The following ZFHX3 variants were observed in gnomAD, a reference collection of about 807,000 sequenced individuals.
ZFHX3 encodes zinc finger homeobox 3, also known as zinc finger homeobox protein 3.
A neutral mutation model predicts 279.1 loss-of-function variants in ZFHX3; 42 were observed. The ratio of observed to expected loss-of-function variants is 0.15; its 90% CI spans 0.12 to 0.19. ZFHX3 has a LOEUF of 0.19. Ranked by LOEUF, ZFHX3 falls within the 10% of genes least tolerant of loss-of-function variation. The probability of loss-of-function intolerance (pLI) is 1.00; values close to 1 mark genes in which losing one functional copy is unlikely to be tolerated. For synonymous variants in ZFHX3, 2,293 were observed against 1,957.8 expected (o/e 1.17, Z -4.52); for missense variants, 4,981 against 4,754.0 (o/e 1.05, Z -1.40).
Position 72,959,002 on chromosome 16 carries a change from C to T in ZFHX3, c.1144G>A (p.Gly382Ser), listed in dbSNP as rs754027540. 5 of 1,609,424 alleles carry T rather than the reference C, an allele frequency of 3.1e-6. No homozygotes were observed. Among genetic ancestry groups the T allele is most frequent in the Non-Finnish European group, 4.2e-6 (5 of 1,177,856 alleles). The change falls in exon 2 of 10, where the codon GGC becomes AGC. Residue 382 changes from glycine to serine, a missense_variant. Transcript: ENST00000268489. ...RMEGEEALPA[G>S]SAAGPEQPQA... ...GGCTGCTCGGGGCCAGCGGCGGAGC[C>T]CGCTGGGAGAGCTTCCTCCCCTTCC... is the stretch of plus-strand genomic sequence containing the variant.
At chr16:73,659,448 C>T (rs986449224) in intron 2 of ZFHX3, among the ~76,000 whole-genome samples, 2 of 114,904 alleles carry the variant, frequency 1.7e-5, no homozygotes, top group South Asian at 3.4e-4. Context: ...CTGAGAAGAA[C>T]GGTAGCTTTC....
chr16:73,839,840 A>T (rs1332151694), intron 1 of ZFHX3, among the ~76,000 whole-genome samples: 1 of 152,074 alleles, frequency 6.6e-6, no homozygotes, highest in Non-Finnish European at 1.5e-5. Context: ...CCCTAACCCT[A>T]TCCCTGGGGA....
At chr16:73,052,677 A>G (rs190243013), upstream of ZFHX3, among the ~76,000 whole-genome samples, 112 of 152,326 alleles carry the variant, frequency 7.4e-4, 1 homozygote, top group African/African-American at 2.6e-3. Flanking sequence ...CTCTGCAGAC[A>G]AATAGAAACT....
intron 2 of ZFHX3, among the ~76,000 whole-genome samples, chr16:73,647,578 T>C (rs2052632081): frequency 6.6e-6 from 1 of 152,172 alleles, no homozygotes; most frequent in African/African-American, 2.4e-5. Flanking sequence ...TGTGGAACTG[T>C]GAGTCAATTA....
chr16:73,427,094 A>G (rs1271742940), intron 3 of ZFHX3, among the ~76,000 whole-genome samples: 1 of 149,524 alleles, frequency 6.7e-6, no homozygotes, highest in Non-Finnish European at 1.5e-5. Context: ...AGCAATATTT[A>G]ATTAAAGCAA....
intron 1 of ZFHX3, among the ~76,000 whole-genome samples, chr16:73,007,000 A>G (rs1393314194): frequency 6.6e-6 from 1 of 152,176 alleles, no homozygotes; most frequent in Non-Finnish European, 1.5e-5. Flanking sequence ...TTTTCCCCAA[A>G]TATTTTTGAT....
intron 2 of ZFHX3, among the ~76,000 whole-genome samples, chr16:73,563,782 T>A (rs1363856691): frequency 6.6e-6 from 1 of 152,122 alleles, no homozygotes; most frequent in African/African-American, 2.4e-5. Flanking sequence ...GAACATTTTG[T>A]TTTGGAGTCC....
At chr16:73,693,523 G>A (rs1047825072) in intron 1 of ZFHX3, among the ~76,000 whole-genome samples, 1 of 151,892 alleles carries the variant, frequency 6.6e-6, no homozygotes, top group African/African-American at 2.4e-5. Flanking sequence ...AAAGTGACAA[G>A]TGAGAATATA....
chr16:73,548,346 T>C (rs1239181177), intron 2 of ZFHX3, among the ~76,000 whole-genome samples: 1 of 152,222 alleles, frequency 6.6e-6, no homozygotes, highest in African/African-American at 2.4e-5. Flanking sequence ...GATCTCGTCT[T>C]CTTTAGTTCT....
chr16:72,857,377 A>G (rs574372940), intron 4 of ZFHX3, among the ~76,000 whole-genome samples: 1 of 152,222 alleles, frequency 6.6e-6, no homozygotes, highest in Non-Finnish European at 1.5e-5. Context: ...ACCTACAGAG[A>G]TAACAGAAAA....
At chr16:73,693,039 T>C (rs989547222) in intron 1 of ZFHX3, among the ~76,000 whole-genome samples, 1 of 152,056 alleles carries the variant, frequency 6.6e-6, no homozygotes, top group Non-Finnish European at 1.5e-5. Context: ...TACGAAAAAC[T>C]TGGCAGCAGC....
intron 7 of ZFHX3, among the ~76,000 whole-genome samples, chr16:73,106,847 T>C (rs1321841228): frequency 6.6e-6 from 1 of 152,216 alleles, no homozygotes; most frequent in Non-Finnish European, 1.5e-5. Flanking sequence ...GTGACAGTTA[T>C]GCAACAATGC....
At chr16:73,433,805 C>A (rs533118482) in intron 3 of ZFHX3, among the ~76,000 whole-genome samples, 1 of 152,178 alleles carries the variant, frequency 6.6e-6, no homozygotes, top group Admixed American at 6.5e-5. Context: ...TGCGGCTGCA[C>A]GGTGCCTACT....
chr16:73,000,853 T>G (rs185579010), intron 1 of ZFHX3, among the ~76,000 whole-genome samples: 6 of 152,226 alleles, frequency 3.9e-5, no homozygotes, highest in African/African-American at 7.2e-5. Flanking sequence ...GCAAAGCAAT[T>G]TTGAAACTGG....
At chr16:73,734,416 A>T (rs186619) in intron 1 of ZFHX3, among the ~76,000 whole-genome samples, 134,890 of 152,266 alleles carry the variant, frequency 0.89, 59,874 homozygotes, top group Non-Finnish European at 0.91. Context: ...TCAAAAGAAT[A>T]ATGAAGAGAT....
At chr16:73,722,421 T>G (rs991922945) in intron 1 of ZFHX3, among the ~76,000 whole-genome samples, 1 of 152,248 alleles carries the variant, frequency 6.6e-6, no homozygotes, top group African/African-American at 2.4e-5. Flanking sequence ...CTTGACTTTA[T>G]GAACCAGGAA....
At chr16:72,859,663 A>C (rs1391710984) in intron 4 of ZFHX3, among the ~76,000 whole-genome samples, 1 of 152,234 alleles carries the variant, frequency 6.6e-6, no homozygotes, top group Non-Finnish European at 1.5e-5. Context: ...GCCCCACTGG[A>C]GTACAAGGAA....
intron 4 of ZFHX3, among the ~76,000 whole-genome samples, chr16:73,304,775 G>A (rs939154886): frequency 3.9e-5 from 6 of 152,276 alleles, no homozygotes; most frequent in South Asian, 2.1e-4. Context: ...TGAGCCCACC[G>A]CCTGACCTCT....
rs1352271288 is a variant in ZFHX3 at position 73,729,938 on chromosome 16, A to T, written c.-1607-49698T>A. Among the ~76,000 whole-genome samples the T allele has an allele frequency of 2.6e-5, 4 of 152,200 alleles. No individual in the cohort carries two copies. In the East Asian group the frequency reaches 7.7e-4, roughly 29 times the overall value. On this transcript the variant is annotated intron_variant, in intron 1 of 17. Transcript: ENST00000641206. The stretch of plus-strand genomic sequence containing the variant: ...AAAATATGTACAGCTAACTAGACTA[A>T]ATAATATTCAGAATAACTTCAAGTT...
Sources: gnomAD v4.1 joint callset for allele counts (sites outside exome capture counted in the v4.1 genomes callset) on GRCh38, gnomAD v4.1.1 for gene constraint, MANE v1.5 for transcripts, NCBI Gene and HGNC (gene_info 2026-07-23, HGNC 2026-07-21) for gene names.